Variants in PHACTR2 observed in about 807,000 individuals in gnomAD.
The protein encoded by PHACTR2 is chromosome 6 open reading frame 56.
A neutral mutation model predicts 76.0 loss-of-function variants in PHACTR2; 30 were observed. The observed-to-expected ratio is 0.39, with a 90% CI of 0.30 to 0.54. The LOEUF is 0.54. PHACTR2 is among the 20% of genes least tolerant of loss of function. The pLI is 0.61. For synonymous variants in PHACTR2, 292 were observed against 292.5 expected, an observed-to-expected ratio of 1.00 and a Z score of 0.02; for missense variants, 696 against 781.1, an observed-to-expected ratio of 0.89 and a Z score of 1.30.
Position 143,761,332 on chromosome 6 carries a change from C to G in PHACTR2, c.694+692C>G, listed in dbSNP as rs951113427. ...AATCACCAGTGGATGTTTGAGTGACCTGCAATAACTCATGCAATATGTATC... is the reference window on the plus strand; with the variant it reads ...AATCACCAGTGGATGTTTGAGTGACGTGCAATAACTCATGCAATATGTATC... On this transcript the variant is annotated intron_variant, in intron 5 of 12. Transcript: ENST00000440869. The surrounding 1 kb of genome is among the most constrained non-coding windows in gnomAD (Gnocchi z 5.2). 1.3e-5 allele frequency among the ~76,000 whole-genome samples: 2 copies of G among 152,170 alleles called. No homozygotes were observed. The highest frequency in any genetic ancestry group is 4.8e-5 in the African/African-American group (2 of 41,432).
chr6:143,719,813 CT>C lies in PHACTR2; in HGVS notation c.214+7649del, dbSNP rs10675688. Among the ~76,000 whole-genome samples the C allele has an allele frequency of 7.6e-4, 72 of 94,818 alleles. 2 individuals are homozygous for C. The highest frequency in any genetic ancestry group is 1.9e-3 in the South Asian group (5 of 2,588). 62.2% of individuals were successfully genotyped at this position (94,818 alleles called of 152,430 possible). A position where few individuals can be genotyped will look rare whatever the true frequency, so the allele number is the denominator to read the frequency against. On this transcript the variant is annotated intron_variant, in intron 2 of 12. Transcript: ENST00000440869. ...AGGGCTTCTTGCTTTGTGTTCGACA[CT>C]TTTTTTTTTTTTTTTTTTGAGACAG... is the stretch of plus-strand genomic sequence containing the variant.
At chr6:143,725,338 C>A (rs901058368) in intron 2 of PHACTR2, among the ~76,000 whole-genome samples, 2 of 149,306 alleles carry the variant, frequency 1.3e-5, no homozygotes, top group East Asian at 2.1e-4. Flanking sequence ...GTAGCTGGGA[C>A]TACAGGCGCC....
In PHACTR2 at chr6:143,818,691, T is replaced by C. The variant is rs527777944; in HGVS notation, c.1923-4983T>C. ...ACAGGGCAGCAGGAGAGAGAATGAG[T>C]GCCGAGTGCAGGGAGAAGCCCAATC... On this transcript the variant is annotated intron_variant, in intron 12 of 12. Transcript: ENST00000440869. This position sits in a 1 kb window ranked among gnomAD's most constrained non-coding sequence, Gnocchi z 4.9. 6.6e-6 allele frequency among the ~76,000 whole-genome samples: 1 copy of C among 152,128 alleles called. No homozygotes were observed. The highest frequency in any genetic ancestry group is 1.9e-4 in the East Asian group (1 of 5,164).
At chr6:143,715,231 T>G (rs1018727614) in intron 2 of PHACTR2, among the ~76,000 whole-genome samples, 1 of 152,222 alleles carries the variant, frequency 6.6e-6, no homozygotes, top group Non-Finnish European at 1.5e-5. Context: ...TGCCTTAATG[T>G]CCAAAATACC....
At position 143,777,194 on chromosome 6, in the gene PHACTR2, A is replaced by G; in HGVS notation, c.1590-134A>G. The G allele has an allele frequency of 1.8e-6, 1 of 550,094 alleles. No individual in the cohort carries two copies. Among genetic ancestry groups the G allele is most frequent in the South Asian group, 2.5e-5 (1 of 40,328 alleles). The allele number at this position is 550,094 out of a possible 1,614,324, so 34.1% of individuals were successfully genotyped here. A position where few individuals can be genotyped will look rare whatever the true frequency, so the allele number is the denominator to read the frequency against. On this transcript the variant is annotated intron_variant, in intron 8 of 12. Coordinates refer to ENST00000440869, the MANE Select transcript of PHACTR2 (RefSeq NM_001100164.2). The surrounding 1 kb of genome is among the most constrained non-coding windows in gnomAD (Gnocchi z 4.6). The stretch of plus-strand genomic sequence containing the variant: ...TAGTCTCCAAACTAATGGGAAGGAG[A>G]CTTTTATTTTGCAGCTTTAAAAATG...
intron 1 of PHACTR2, among the ~76,000 whole-genome samples, chr6:143,575,671 C>T (rs1775497867): frequency 1.3e-5 from 2 of 152,312 alleles, no homozygotes; most frequent in East Asian, 3.9e-4. Context: ...AGTTCTCTCT[C>T]GTGAAGTACT....
rs1163244486 is a variant in PHACTR2, at chr6:143,659,689, G to A, written c.13+51367G>A. On this transcript the variant is annotated intron_variant, in intron 1 of 11. Transcript: ENST00000305766. The surrounding 1 kb of genome is among the most constrained non-coding windows in gnomAD (Gnocchi z 5.0). ...GGATCACACAAAGGTGGATTACCTG[G>A]GGTCTACCTTCACATCTGTCCACCA... Among the ~76,000 whole-genome samples, 1 of 152,162 alleles carries A rather than the reference G, an allele frequency of 6.6e-6. No individual in the cohort carries two copies. Among genetic ancestry groups the A allele is most frequent in the Non-Finnish European group, 1.5e-5 (1 of 68,028 alleles).
In PHACTR2 at chr6:143,793,815, G is replaced by A. The variant is rs1775769327; in HGVS notation, c.1845+4905G>A. ...ACCTGTAGTCCCAGCTACTCGGGAA[G>A]CTGAGGTGGGAGAATTGCTTGAGCC... is the stretch of plus-strand genomic sequence containing the variant. On this transcript the variant is annotated intron_variant, in intron 11 of 12. Transcript: ENST00000440869. This position sits in a 1 kb window ranked among gnomAD's most constrained non-coding sequence, Gnocchi z 4.4. Among the ~76,000 whole-genome samples the A allele has an allele frequency of 6.6e-6, 1 of 152,096 alleles. No individual in the cohort carries two copies. The highest frequency in any genetic ancestry group is 1.5e-5 in the Non-Finnish European group (1 of 68,014).
chr6:143,655,886 G>A (rs1416268484), intron 1 of PHACTR2, among the ~76,000 whole-genome samples: 2 of 152,202 alleles, frequency 1.3e-5, no homozygotes, highest in African/African-American at 4.8e-5. Context: ...TTTCACTAAA[G>A]TTGCTTCCTA....
Position 143,659,305 on chromosome 6 carries a change from T to C in PHACTR2, c.13+50983T>C, listed in dbSNP as rs148064470. Among the ~76,000 whole-genome samples the C allele has an allele frequency of 2.1e-3, 321 of 152,376 alleles. 3 individuals are homozygous for C. The highest frequency in any genetic ancestry group is 7.4e-3 in the African/African-American group (307 of 41,592). On this transcript the variant is annotated intron_variant, in intron 1 of 11. Transcript: ENST00000305766. This position sits in a 1 kb window ranked among gnomAD's most constrained non-coding sequence, Gnocchi z 5.0. ...TTAAAAATTTTTTAAACTTTTTTACTGTTTTGTAGCAACACGTAGCTTAAG... is the reference window on the plus strand; with the variant it reads ...TTAAAAATTTTTTAAACTTTTTTACCGTTTTGTAGCAACACGTAGCTTAAG...
rs1775167610 is a variant in PHACTR2 at position 143,772,198 on chromosome 6, A to C, written c.1233-60A>C. On this transcript the variant is annotated intron_variant, in intron 6 of 12. Coordinates refer to ENST00000440869, the MANE Select transcript of PHACTR2 (RefSeq NM_001100164.2). The surrounding 1 kb of genome is among the most constrained non-coding windows in gnomAD (Gnocchi z 5.4). ...AACTAGAGCTCTTTTTCTTAGTGTCAGTGCCGCCAAGGGTTGCTCTGAGCT... is the reference window on the plus strand; with the variant it reads ...AACTAGAGCTCTTTTTCTTAGTGTCCGTGCCGCCAAGGGTTGCTCTGAGCT... 2 of 1,198,388 alleles carry C rather than the reference A, an allele frequency of 1.7e-6. No individual in the cohort carries two copies. The highest frequency in any genetic ancestry group is 1.2e-6 in the Non-Finnish European group (1 of 804,004). 74.2% of individuals were successfully genotyped at this position (1,198,388 alleles called of 1,614,324 possible).
At position 143,800,669 on chromosome 6, in the gene PHACTR2, T is replaced by C. The variant is rs1775932700; in HGVS notation, c.1846-6388T>C. 6.6e-6 allele frequency among the ~76,000 whole-genome samples: 1 copy of C among 152,360 alleles called. No homozygotes were observed. Among genetic ancestry groups the C allele is most frequent in the South Asian group, 2.1e-4 (1 of 4,826 alleles). On this transcript the variant is annotated intron_variant, in intron 11 of 12. Transcript: ENST00000440869. The surrounding 1 kb of genome is among the most constrained non-coding windows in gnomAD (Gnocchi z 4.8). Reference sequence around the variant, plus strand: ...TATCCAATTTGCCAATCTGTGTCTTTTAATTGGGGCATTTAGCCCATTTAC... The same window carrying C: ...TATCCAATTTGCCAATCTGTGTCTTCTAATTGGGGCATTTAGCCCATTTAC...
Position 143,654,540 on chromosome 6 carries a change from C to G in PHACTR2, c.13+46218C>G, listed in dbSNP as rs566409010. On this transcript the variant is annotated intron_variant, in intron 1 of 11. Transcript: ENST00000305766. This position sits in a 1 kb window ranked among gnomAD's most constrained non-coding sequence, Gnocchi z 4.6. The stretch of plus-strand genomic sequence containing the variant: ...AAAATAAAGGCTGGATACTGTGGCT[C>G]ACACCTGTAATCTTGGCACTTTGGG... Among the ~76,000 whole-genome samples the G allele has an allele frequency of 1.3e-5, 2 of 152,274 alleles. No homozygotes were observed. Among genetic ancestry groups the G allele is most frequent in the South Asian group, 4.1e-4 (2 of 4,820 alleles).
chr6:143,758,214 C>G (rs1395204602), intron 4 of PHACTR2, among the ~76,000 whole-genome samples: 1 of 152,094 alleles, frequency 6.6e-6, no homozygotes, highest in Non-Finnish European at 1.5e-5. Flanking sequence ...GAATTTTAAG[C>G]CTTAGGCAGA....
At chr6:143,724,088 G>C (rs1451824774) in intron 2 of PHACTR2, among the ~76,000 whole-genome samples, 1 of 151,172 alleles carries the variant, frequency 6.6e-6, no homozygotes, top group African/African-American at 2.4e-5. Flanking sequence ...TCAGCCTCCC[G>C]AGTACCTGGG....
Position 143,761,273 on chromosome 6 carries a change from T to A in PHACTR2, c.694+633T>A, listed in dbSNP as rs1292194656. 1.3e-5 allele frequency among the ~76,000 whole-genome samples: 2 copies of A among 152,204 alleles called. No individual in the cohort carries two copies. Among genetic ancestry groups the A allele is most frequent in the Non-Finnish European group, 2.9e-5 (2 of 68,038 alleles). On this transcript the variant is annotated intron_variant, in intron 5 of 12. Coordinates refer to ENST00000440869, the MANE Select transcript of PHACTR2 (RefSeq NM_001100164.2). The surrounding 1 kb of genome is among the most constrained non-coding windows in gnomAD (Gnocchi z 5.2). ...GACTTGTGTGTTCTAAGGCAAAACA[T>A]CCTGGTGTCATGTGGTTATAAGTTA...
chr6:143,720,785 G>T (rs1461032544), intron 2 of PHACTR2, among the ~76,000 whole-genome samples: 1 of 151,998 alleles, frequency 6.6e-6, no homozygotes, highest in Non-Finnish European at 1.5e-5. Context: ...GCTAATTTTT[G>T]TGTTATTTGT....
rs113187361 is a variant in PHACTR2 at position 143,576,270 on chromosome 6, C to G, written c.217+39063C>G. On this transcript the variant is annotated intron_variant, in intron 1 of 11. Coordinates refer to the PHACTR2 transcript ENST00000367584. ...AGAGATGCTGCTGTATAACACTCCGCTCTCATGACATAGCTTTGGAAGGTC... is the reference window on the plus strand; with the variant it reads ...AGAGATGCTGCTGTATAACACTCCGGTCTCATGACATAGCTTTGGAAGGTC... Among the ~76,000 whole-genome samples, 1,404 of 152,304 alleles carry G rather than the reference C, an allele frequency of 9.2e-3. 25 individuals carry two copies. The highest frequency in any genetic ancestry group is 0.032 in the African/African-American group (1,343 of 41,560).
intron 1 of PHACTR2, among the ~76,000 whole-genome samples, chr6:143,572,109 G>T (rs1177914715): frequency 2.0e-5 from 3 of 152,192 alleles, no homozygotes; most frequent in Admixed American, 1.3e-4. Context: ...TTTCTTTTTA[G>T]TAGGTAACTA....
Sources: gnomAD v4.1 joint callset for allele counts (sites outside exome capture counted in the v4.1 genomes callset) on GRCh38, gnomAD v4.1.1 for gene constraint, Gnocchi (gnomAD v3.1) non-coding constraint, MANE v1.5 for transcripts, NCBI Gene and HGNC (gene_info 2026-07-23, HGNC 2026-07-21) for gene names.